FANCC: variants seen among roughly 807,000 people sequenced by gnomAD.
FANCC encodes FA complementation group C.
In FANCC, 55 loss-of-function variants were observed where a neutral mutation model predicts 71.3. The ratio of observed to expected loss-of-function variants is 0.77; its 90% CI spans 0.62 to 0.97. The LOEUF (loss-of-function observed/expected upper bound fraction) is 0.97. Ranked by LOEUF, FANCC falls within the 50% of genes least tolerant of loss-of-function variation. The probability of loss-of-function intolerance (pLI) is 0.00; values close to 1 mark genes in which losing one functional copy is unlikely to be tolerated. For missense variants in FANCC, 678 were observed against 670.9 expected (o/e 1.01, Z -0.12); for synonymous variants, 275 against 244.9 (o/e 1.12, Z -1.15).
intron 7 of FANCC, among the ~76,000 whole-genome samples, chr9:95,140,630 A>T (rs1828509723): frequency 6.6e-6 from 1 of 152,194 alleles, no homozygotes; most frequent in Admixed American, 6.5e-5. Flanking sequence ...ACAAAGGTGC[A>T]CTGGCAACAG....
At chr9:95,153,967 T>C (rs1830320079) in intron 6 of FANCC, among the ~76,000 whole-genome samples, 2 of 152,046 alleles carry the variant, frequency 1.3e-5, no homozygotes, top group African/African-American at 4.8e-5. Flanking sequence ...GTGGGAGGGC[T>C]GGGTGTGGTG....
intron 1 of FANCC, among the ~76,000 whole-genome samples, chr9:95,271,294 T>C (rs1832699471): frequency 1.3e-5 from 2 of 152,188 alleles, no homozygotes; most frequent in Admixed American, 1.3e-4. Flanking sequence ...GGAATGACTA[T>C]TACCTTGTAC....
intron 10 of FANCC, chr9:95,123,485 C>CA (rs1376405810): frequency 2.2e-6 from 1 of 464,876 alleles, no homozygotes; most frequent in Non-Finnish European, 4.3e-6. Flanking sequence ...AATAAAAATA[C>CA]AAAAATTAGT....
chr9:95,217,282 G>A (rs772491344), intron 4 of FANCC, among the ~76,000 whole-genome samples: 6 of 152,138 alleles, frequency 3.9e-5, no homozygotes, highest in Non-Finnish European at 7.4e-5. Context: ...TCAGGAGATC[G>A]AGACCATCCT....
chr9:95,146,454 C>T (rs1163056572), intron 7 of FANCC, among the ~76,000 whole-genome samples: 2 of 120,290 alleles, frequency 1.7e-5, no homozygotes, highest in East Asian at 2.6e-4. Flanking sequence ...CACCACTGCA[C>T]TCCAGCCTAT....
chr9:95,117,968 C>T lies in FANCC; in HGVS notation c.997-578G>A, dbSNP rs140146861. Among the ~76,000 whole-genome samples, 1,332 of 151,392 alleles carry T rather than the reference C, an allele frequency of 8.8e-3. 23 individuals are homozygous for T. The highest frequency in any genetic ancestry group is 0.031 in the African/African-American group (1,270 of 41,226). ...AACTCCCGACCTCAGGTGATCTGGC[C>T]GCCTCGGCCTCCCAAAGTACTGGGA... On this transcript the variant is annotated intron_variant, in intron 10 of 14. Coordinates refer to ENST00000289081, the MANE Select transcript of FANCC (RefSeq NM_000136.3).
At chr9:95,116,120 A>G (rs1564654279) in intron 11 of FANCC, among the ~76,000 whole-genome samples, 1 of 152,252 alleles carries the variant, frequency 6.6e-6, no homozygotes, top group East Asian at 1.9e-4. Flanking sequence ...GGTTGGGCCC[A>G]TGCCCATGCA....
chr9:95,216,897 C>T (rs1023007469), intron 4 of FANCC, among the ~76,000 whole-genome samples: 5 of 152,090 alleles, frequency 3.3e-5, no homozygotes, highest in African/African-American at 1.2e-4. Context: ...CAGTGGCAGT[C>T]TAACTTGTTA....
At chr9:95,169,652 T>C (rs941946841) in intron 6 of FANCC, among the ~76,000 whole-genome samples, 1 of 152,224 alleles carries the variant, frequency 6.6e-6, no homozygotes, top group Non-Finnish European at 1.5e-5. Flanking sequence ...ATGAAACAGA[T>C]TGTTTAATCA....
intron 6 of FANCC, among the ~76,000 whole-genome samples, chr9:95,152,782 A>T (rs1471951558): frequency 2.1e-5 from 3 of 145,906 alleles, no homozygotes; most frequent in East Asian, 4.1e-4. Context: ...ACTACCCCCC[A>T]TCCCACTCTC....
chr9:95,225,276 G>A (rs1470947047), intron 4 of FANCC, among the ~76,000 whole-genome samples: 1 of 152,110 alleles, frequency 6.6e-6, no homozygotes, highest in South Asian at 2.1e-4. Context: ...CACTACAGAC[G>A]TCACTGTTTA....
chr9:95,177,878 C>T (rs368743961), intron 4 of FANCC, among the ~76,000 whole-genome samples: 1 of 152,168 alleles, frequency 6.6e-6, no homozygotes, highest in African/African-American at 2.4e-5. Flanking sequence ...ACAGGCTTTC[C>T]AGAATTCCCC....
intron 4 of FANCC, among the ~76,000 whole-genome samples, chr9:95,187,054 C>T (rs1826772683): frequency 6.6e-6 from 1 of 152,024 alleles, no homozygotes; most frequent in Non-Finnish European, 1.5e-5. Flanking sequence ...ATTACAGGTG[C>T]GAGCCACCGT....
intron 1 of FANCC, among the ~76,000 whole-genome samples, chr9:95,297,385 C>T (rs1208536012): frequency 6.6e-6 from 1 of 152,162 alleles, no homozygotes; most frequent in Non-Finnish European, 1.5e-5. Context: ...GTGACTGGCC[C>T]ACCTACATAG....
chr9:95,197,384 T>C (rs1827521414), intron 4 of FANCC, among the ~76,000 whole-genome samples: 1 of 151,986 alleles, frequency 6.6e-6, no homozygotes, highest in Non-Finnish European at 1.5e-5. Context: ...AAAAAAACTT[T>C]TTAAATTAGC....
At chr9:95,141,985 GTT>G (rs1163083695) in intron 7 of FANCC, among the ~76,000 whole-genome samples, 1 of 83,160 alleles carries the variant, frequency 1.2e-5, no homozygotes, top group African/African-American at 4.8e-5. Context: ...AGTTTGTGGG[GTT>G]TTTTTTTTTT....
At position 95,111,532 on chromosome 9, in the gene FANCC, C is replaced by A. The variant is rs749709412; in HGVS notation, c.1260G>T (p.Thr420=). 7 of 1,614,004 alleles carry A rather than the reference C, an allele frequency of 4.3e-6. No homozygotes were observed. In the South Asian group the frequency reaches 7.7e-5, roughly 18 times the overall value. ...QLLMSAAEPP[T]ALLWLLAFYY... Reference sequence around the variant, plus strand: ...AGAAGGCCAAGAGCCACAGCAGGGCCGTGGGGGGTTCGGCTGCCGACATCA... The same window carrying A: ...AGAAGGCCAAGAGCCACAGCAGGGCAGTGGGGGGTTCGGCTGCCGACATCA... Residue 420 remains threonine (T), a synonymous_variant, in exon 13 of 15, where the codon ACG becomes ACT. Transcript: ENST00000289081.
At chr9:95,268,808 C>T (rs1166109815) in intron 1 of FANCC, among the ~76,000 whole-genome samples, 2 of 152,116 alleles carry the variant, frequency 1.3e-5, no homozygotes, top group Non-Finnish European at 2.9e-5. Context: ...GACAGAAAGC[C>T]TCTCACCAGA....
intron 5 of FANCC, 95 bp from the exon 6 acceptor site, chr9:95,171,238 TCCC>T: frequency 1.1e-6 from 1 of 900,316 alleles, no homozygotes; most frequent in Non-Finnish European, 1.8e-6. Flanking sequence ...CCGTTGAGAT[TCCC>T]CCAACCCCCA....
Sources: allele counts gnomAD v4.1 joint callset (sites outside exome capture counted in the v4.1 genomes callset), GRCh38; gene constraint gnomAD v4.1.1; transcripts MANE v1.5; gene names NCBI Gene and HGNC (gene_info 2026-07-23, HGNC 2026-07-21).